CCDC88A: variants seen among roughly 807,000 people sequenced by gnomAD.
CCDC88A encodes coiled-coil and HOOK domain protein 88A, also known as girdin.
CCDC88A carries 54 observed loss-of-function variants against 234.3 expected under a neutral mutation model. The observed-to-expected ratio is 0.23, with a 90% CI of 0.19 to 0.29. The LOEUF is 0.29. Among genes scored for constraint, CCDC88A ranks in the 10% least tolerant of loss-of-function variants. CCDC88A has a pLI of 1.00. For synonymous variants in CCDC88A, 753 were observed against 737.8 expected (o/e 1.02, Z -0.33); for missense variants, 1,832 against 2,123.4 (o/e 0.86, Z 2.70).
At chr2:55,369,148 C>T (rs1489036802) in intron 5 of CCDC88A, among the ~76,000 whole-genome samples, 2 of 151,678 alleles carry the variant, frequency 1.3e-5, no homozygotes, top group Admixed American at 6.6e-5. Context: ...AATTCTCCTG[C>T]CTCAACTTCC....
At chr2:55,361,002 C>T (rs1671223870) in intron 7 of CCDC88A, among the ~76,000 whole-genome samples, 1 of 152,128 alleles carries the variant, frequency 6.6e-6, no homozygotes, top group Non-Finnish European at 1.5e-5. Context: ...GGCAGAATTG[C>T]TTGAACCTGG....
chr2:55,338,914 T>C (rs1398501775), intron 13 of CCDC88A: 1 of 151,690 alleles, frequency 6.6e-6, no homozygotes, highest in Non-Finnish European at 1.5e-5. Context: ...ACCAATTCAT[T>C]ATTTGGAAAC....
rs761203439 is a variant in CCDC88A, at chr2:55,335,162, A to T, written c.1659T>A (p.Ile553=). Residue 553 remains isoleucine (I), a splice_region_variant and synonymous_variant, in exon 15 of 33, where the codon ATT becomes ATA. Transcript: ENST00000436346. This position sits in a 1 kb window ranked among gnomAD's most constrained non-coding sequence, Gnocchi z 4.5. ...ETLRENSERQ[I]KILEQENEHL... The stretch of plus-strand genomic sequence containing the variant: ...GTTCATTTTCCTGTTCCAGTATCTT[A>T]ATCTAATTTGAAAAGAAAATAATTA... The T allele has an allele frequency of 6.8e-7, 1 of 1,466,126 alleles. No homozygotes were observed. The highest frequency in any genetic ancestry group is 2.5e-5 in the Admixed American group (1 of 40,678). 90.8% of individuals were successfully genotyped at this position (1,466,126 alleles called of 1,614,324 possible).
chr2:55,296,127 CTG>C, intron 30 of CCDC88A, 71 bp from the exon 31 acceptor site: 1 of 1,341,338 alleles, frequency 7.5e-7, no homozygotes, highest in South Asian at 1.4e-5. Context: ...ATTTAGCAGA[CTG>C]TGCAATATAA....
At chr2:55,353,783 T>G (rs184840681) in intron 8 of CCDC88A, among the ~76,000 whole-genome samples, 10 of 152,262 alleles carry the variant, frequency 6.6e-5, no homozygotes, top group African/African-American at 1.2e-4. Context: ...TATGTAACAT[T>G]TACACTTACT....
chr2:55,322,826 T>A, intron 17 of CCDC88A, 134 bp from the exon 18 acceptor site: 1 of 463,848 alleles, frequency 2.2e-6, no homozygotes, highest in Non-Finnish European at 3.8e-6. Context: ...GAATAATATG[T>A]ATGATTTATG....
chr2:55,325,055 A>G (rs1211240219), intron 17 of CCDC88A, among the ~76,000 whole-genome samples: 1 of 152,232 alleles, frequency 6.6e-6, no homozygotes, highest in Non-Finnish European at 1.5e-5. Flanking sequence ...ATTTGCACCA[A>G]TATTTGATCA....
intron 29 of CCDC88A, among the ~76,000 whole-genome samples, chr2:55,297,966 A>G (rs1277412634): frequency 6.6e-6 from 1 of 152,220 alleles, no homozygotes; most frequent in Non-Finnish European, 1.5e-5. Flanking sequence ...GTAGTGCTTT[A>G]TTCTTTTTTA....
intron 2 of CCDC88A, among the ~76,000 whole-genome samples, chr2:55,394,823 AAAG>A (rs1399248469): frequency 2.0e-5 from 3 of 151,742 alleles, no homozygotes; most frequent in African/African-American, 7.3e-5. Flanking sequence ...ATAAAAAAAA[AAAG>A]AAAAAAAATG....
chr2:55,312,601 T>G, intron 22 of CCDC88A, 22 bp from the exon 23 acceptor site: 1 of 1,565,876 alleles, frequency 6.4e-7, no homozygotes, highest in Non-Finnish European at 8.7e-7. Flanking sequence ...CAAACATTTT[T>G]TAAAAAATCA....
intron 16 of CCDC88A, chr2:55,330,185 A>G (rs898010330): frequency 2.0e-5 from 3 of 152,148 alleles, no homozygotes; most frequent in African/African-American, 7.2e-5. Context: ...ATTCAGAGAG[A>G]ATAACATGAA....
chr2:55,393,779 G>C (rs887646059), intron 2 of CCDC88A, among the ~76,000 whole-genome samples: 3 of 151,956 alleles, frequency 2.0e-5, no homozygotes, highest in African/African-American at 4.8e-5. Flanking sequence ...TTAACAAATA[G>C]AAATGGAGAC....
intron 8 of CCDC88A, among the ~76,000 whole-genome samples, chr2:55,350,783 C>T (rs1314200090): frequency 1.3e-5 from 2 of 152,076 alleles, no homozygotes; most frequent in African/African-American, 2.4e-5. Context: ...CCTCAGCGTC[C>T]GGAATAGCTG....
intron 5 of CCDC88A, 44 bp from the exon 6 acceptor site, chr2:55,364,077 T>G: frequency 1.1e-6 from 1 of 946,154 alleles, no homozygotes; most frequent in Non-Finnish European, 1.6e-6. Flanking sequence ...TTATAGGGTA[T>G]GGTCCTTAAA....
Position 55,317,986 on chromosome 2 carries a change from G to A in CCDC88A, c.3325-145C>T, listed in dbSNP as rs1474622382. ...TTATACTGGGAAGACGTGGATTTTA[G>A]CTTCCCAAAGAATAAGGCTATCATT... On this transcript the variant is annotated intron_variant, in intron 19 of 32. Coordinates refer to ENST00000436346, the MANE Select transcript of CCDC88A (RefSeq NM_001365480.1). The surrounding 1 kb of genome is among the most constrained non-coding windows in gnomAD (Gnocchi z 4.2). 5.1e-6 allele frequency: 3 copies of A among 588,634 alleles called. No homozygotes were observed. In the Admixed American group the frequency reaches 9.8e-5, roughly 19 times the overall value. 36.5% of individuals were successfully genotyped at this position (588,634 alleles called of 1,614,324 possible).
At chr2:55,408,223 T>C (rs905829512) in intron 2 of CCDC88A, among the ~76,000 whole-genome samples, 2 of 152,050 alleles carry the variant, frequency 1.3e-5, no homozygotes, top group African/African-American at 4.8e-5. Context: ...ATTCTGAAAA[T>C]CTACTCTGAC....
Position 55,363,935 on chromosome 2 carries a change from T to C in CCDC88A, c.486+15A>G, listed in dbSNP as rs767687980. On this transcript the variant is annotated intron_variant, in intron 6 of 32. Transcript: ENST00000436346. ...GCTTCATAAATAGCACGTAAAATTG[T>C]ATATATGTCATTACCTCTTGAATAT... 1 of 1,463,360 alleles carries C rather than the reference T, an allele frequency of 6.8e-7. No homozygotes were observed. The highest frequency in any genetic ancestry group is 1.7e-5 in the Admixed American group (1 of 57,266). The allele number at this position is 1,463,360 out of a possible 1,614,324, so 90.6% of individuals were successfully genotyped here. A position where few individuals can be genotyped will look rare whatever the true frequency, so the allele number is the denominator to read the frequency against.
At chr2:55,294,868 T>C (rs555619109) in intron 31 of CCDC88A, 1 of 1,055,424 alleles carries the variant, frequency 9.5e-7, no homozygotes, top group South Asian at 3.0e-5. Flanking sequence ...TAATTAATAT[T>C]TCATGCAGGT....
chr2:55,326,141 T>C (rs1162831853), intron 17 of CCDC88A, among the ~76,000 whole-genome samples: 1 of 151,758 alleles, frequency 6.6e-6, no homozygotes, highest in Non-Finnish European at 1.5e-5. Flanking sequence ...TTTCTATTTG[T>C]CCAATCTGTA....
Sources: allele counts gnomAD v4.1 joint callset (sites outside exome capture counted in the v4.1 genomes callset), GRCh38; gene constraint gnomAD v4.1.1; non-coding constraint Gnocchi (gnomAD v3.1); transcripts MANE v1.5; gene names NCBI Gene and HGNC (gene_info 2026-07-23, HGNC 2026-07-21).